HDAC9: variants seen among roughly 807,000 people sequenced by gnomAD.
HDAC9 encodes the protein MEF-2 interacting transcription repressor (MITR) protein.
A neutral mutation model predicts 139.4 loss-of-function variants in HDAC9; 41 were observed. The ratio of observed to expected loss-of-function variants is 0.29; its 90% CI spans 0.23 to 0.38. The LOEUF (loss-of-function observed/expected upper bound fraction) is 0.38, where lower values mean the gene tolerates loss of function less well. Ranked by LOEUF, HDAC9 falls within the 10% of genes least tolerant of loss-of-function variation. HDAC9 has a pLI of 1.00. For missense variants in HDAC9, 1,147 were observed against 1,297.0 expected (o/e 0.88, Z 1.78); for synonymous variants, 517 against 476.2 (o/e 1.09, Z -1.12).
intron 2 of HDAC9, among the ~76,000 whole-genome samples, chr7:18,232,017 T>A (rs562931281): frequency 6.6e-6 from 1 of 152,212 alleles, no homozygotes; most frequent in South Asian, 2.1e-4. Context: ...CCATCGAAGG[T>A]AAAATAATGA....
intron 11 of HDAC9, among the ~76,000 whole-genome samples, chr7:18,651,697 G>A (rs1256343239): frequency 1.3e-5 from 2 of 152,090 alleles, no homozygotes; most frequent in South Asian, 2.1e-4. Context: ...ACTACATAAT[G>A]TAACTGTTAT....
chr7:18,634,154 A>G (rs754389088), intron 7 of HDAC9, among the ~76,000 whole-genome samples: 1 of 152,080 alleles, frequency 6.6e-6, no homozygotes, highest in Non-Finnish European at 1.5e-5. Flanking sequence ...TAGCCTTAGT[A>G]TATTAAATAA....
chr7:18,638,740 G>A (rs764236239), intron 8 of HDAC9, among the ~76,000 whole-genome samples: 8 of 152,064 alleles, frequency 5.3e-5, no homozygotes, highest in Non-Finnish European at 1.0e-4. Flanking sequence ...GTGAGAGTGA[G>A]TCTCCATCTG....
chr7:18,275,180 A>C (rs1257374311), intron 2 of HDAC9, among the ~76,000 whole-genome samples: 3 of 152,190 alleles, frequency 2.0e-5, no homozygotes, highest in Admixed American at 2.0e-4. Context: ...ATTTTTGAAA[A>C]ATCATTGAAT....
intron 22 of HDAC9, among the ~76,000 whole-genome samples, chr7:18,896,786 G>A (rs1199188429): frequency 6.6e-6 from 1 of 152,010 alleles, no homozygotes; most frequent in African/African-American, 2.4e-5. Context: ...CTGTGGACCT[G>A]GCTTGTTAGA....
chr7:18,602,648 A>G (rs1287551982), intron 6 of HDAC9, among the ~76,000 whole-genome samples: 2 of 151,206 alleles, frequency 1.3e-5, no homozygotes, highest in African/African-American at 4.9e-5. Flanking sequence ...TTGTATTTTC[A>G]TTTTCATTTA....
chr7:18,245,003 A>ATCTATCTATCTATCTATCTATCTG, intron 2 of HDAC9, among the ~76,000 whole-genome samples: 1 of 151,822 alleles, frequency 6.6e-6, no homozygotes, highest in Non-Finnish European at 1.5e-5. Flanking sequence ...GCATCTATCT[A>ATCTATCTATCTATCTATCTATCTG]TCTATCTATC....
At chr7:18,644,214 AT>A (rs1286917083) in intron 8 of HDAC9, among the ~76,000 whole-genome samples, 3 of 152,156 alleles carry the variant, frequency 2.0e-5, no homozygotes, top group Non-Finnish European at 4.4e-5. Flanking sequence ...ATATGGTGAT[AT>A]TTAATCTAAG....
At chr7:18,586,946 A>G (rs1459464083) in intron 3 of HDAC9, among the ~76,000 whole-genome samples, 1 of 152,108 alleles carries the variant, frequency 6.6e-6, no homozygotes, top group Non-Finnish European at 1.5e-5. Context: ...ATTGATATCT[A>G]GATCTGTTTC....
At chr7:18,396,862 G>T (rs1284835632) in intron 1 of HDAC9, among the ~76,000 whole-genome samples, 5 of 152,048 alleles carry the variant, frequency 3.3e-5, no homozygotes, top group Non-Finnish European at 7.4e-5. Flanking sequence ...TGGGTCAAAG[G>T]TTGTCATTGT....
chr7:18,273,621 A>G (rs1024100644), intron 2 of HDAC9, among the ~76,000 whole-genome samples: 2 of 152,200 alleles, frequency 1.3e-5, no homozygotes, highest in African/African-American at 4.8e-5. Flanking sequence ...ATTGGAGGAT[A>G]TTTGTGTGAT....
At chr7:18,869,221 T>G (rs1261000768) in intron 21 of HDAC9, among the ~76,000 whole-genome samples, 2 of 150,260 alleles carry the variant, frequency 1.3e-5, no homozygotes, top group Non-Finnish European at 3.0e-5. Flanking sequence ...GAGAGTTGTC[T>G]TGGTCCGGAT....
Position 18,791,360 on chromosome 7 carries a change from G to A in HDAC9, c.2215-1985G>A, listed in dbSNP as rs188438294. ...TTCTGATTAATGCAGGCTTTTCTTT[G>A]GTACTAGTAGCTCTGTAGTGGTGGG... On this transcript the variant is annotated intron_variant, in intron 16 of 25. Coordinates refer to ENST00000686413, the MANE Select transcript of HDAC9 (RefSeq NM_178425.4). Among the ~76,000 whole-genome samples, 266 of 152,090 alleles carry A rather than the reference G, an allele frequency of 1.7e-3. 1 individual carries two copies. The highest frequency in any genetic ancestry group is 2.1e-3 in the Non-Finnish European group (141 of 67,974).
intron 14 of HDAC9, among the ~76,000 whole-genome samples, chr7:18,758,429 G>C (rs993259682): frequency 6.6e-6 from 1 of 152,156 alleles, no homozygotes; most frequent in African/African-American, 2.4e-5. Flanking sequence ...CCTTGAGAGA[G>C]AGAAATGAAA....
chr7:18,675,405 G>A (rs1452424408), intron 12 of HDAC9, among the ~76,000 whole-genome samples: 1 of 151,992 alleles, frequency 6.6e-6, no homozygotes, highest in African/African-American at 2.4e-5. Flanking sequence ...AATGTGGTCA[G>A]GAATTCTAAA....
intron 2 of HDAC9, among the ~76,000 whole-genome samples, chr7:18,526,817 G>T (rs1311616230): frequency 6.6e-6 from 1 of 152,100 alleles, no homozygotes; most frequent in East Asian, 1.9e-4. Context: ...GATAGATAGG[G>T]TCAGATAGGA....
At chr7:18,575,276 A>C (rs1317805027) in intron 2 of HDAC9, among the ~76,000 whole-genome samples, 1 of 152,214 alleles carries the variant, frequency 6.6e-6, no homozygotes, top group Non-Finnish European at 1.5e-5. Flanking sequence ...ATTTTGATTA[A>C]CTTTAAAAGG....
chr7:18,435,059 C>CAAAAAAA (rs376786180), intron 1 of HDAC9, among the ~76,000 whole-genome samples: 1,555 of 66,414 alleles, frequency 0.023, 1 homozygote, highest in East Asian at 0.029. Context: ...ACTACACAGC[C>CAAAAAAA]AAAAAAAAAA....
At chr7:18,181,453 A>G (rs77408197) in intron 2 of HDAC9, among the ~76,000 whole-genome samples, 2,183 of 152,326 alleles carry the variant, frequency 0.014, 56 homozygotes, top group African/African-American at 0.05. Flanking sequence ...CCTTTTGCAC[A>G]GTTCTGGAGC....
Sources: gnomAD v4.1 joint callset for allele counts (sites outside exome capture counted in the v4.1 genomes callset) on GRCh38, gnomAD v4.1.1 for gene constraint, MANE v1.5 for transcripts, NCBI Gene and HGNC (gene_info 2026-07-23, HGNC 2026-07-21) for gene names.